The following PTPDC1 variants were observed in gnomAD, a reference collection of about 807,000 sequenced individuals.
PTPDC1 encodes the protein protein tyrosine phosphatase domain-containing protein 1.
PTPDC1 carries 53 observed loss-of-function variants against 75.3 expected under a neutral mutation model. The observed-to-expected ratio is 0.70, with a 90% CI of 0.56 to 0.88. The LOEUF (loss-of-function observed/expected upper bound fraction) is 0.88, where lower values mean the gene tolerates loss of function less well. Among genes scored for constraint, PTPDC1 ranks in the 40% least tolerant of loss-of-function variants. The pLI, the probability that PTPDC1 is intolerant of heterozygous loss-of-function variation, is 0.00. For missense variants in PTPDC1, 925 were observed against 998.6 expected, an observed-to-expected ratio of 0.93 and a Z score of 0.99; for synonymous variants, 349 against 366.2, an observed-to-expected ratio of 0.95 and a Z score of 0.54.
At chr9:94,088,493 CATTT>C (rs1399668021) in intron 4 of PTPDC1, among the ~76,000 whole-genome samples, 1 of 152,148 alleles carries the variant, frequency 6.6e-6, no homozygotes, top group Non-Finnish European at 1.5e-5. Flanking sequence ...TAATGATTAA[CATTT>C]AGTTAATGCT....
chr9:94,092,208 C>T (rs1288372862), intron 4 of PTPDC1, among the ~76,000 whole-genome samples: 1 of 150,052 alleles, frequency 6.7e-6, no homozygotes, highest in Admixed American at 6.6e-5. Context: ...CCTGCTTTCT[C>T]TTGTGGGCAT....
intron 1 of PTPDC1, among the ~76,000 whole-genome samples, chr9:94,031,429 C>T (rs1213190838): frequency 1.3e-5 from 2 of 151,526 alleles, no homozygotes; most frequent in African/African-American, 4.9e-5. Context: ...TGTGAAATCT[C>T]TTGATTTGTA....
rs777706593 is a variant in PTPDC1 at position 94,104,402 on chromosome 9, C to T, written c.2310+17C>T. On this transcript the variant is annotated intron_variant, in intron 8 of 8. Transcript: ENST00000620992. ...TTCACTAAGGTGGGTCATACTCTTC[C>T]TTTCCCCTCTCTGAACCACAGATCA... The T allele has an allele frequency of 6.6e-7, 1 of 1,513,702 alleles. No homozygotes were observed. Among genetic ancestry groups the T allele is most frequent in the South Asian group, 1.1e-5 (1 of 88,310 alleles). The allele number at this position is 1,513,702 out of a possible 1,614,324, so 93.8% of individuals were successfully genotyped here. A position where few individuals can be genotyped will look rare whatever the true frequency, so the allele number is the denominator to read the frequency against.
chr9:94,083,318 G>C (rs140629561), upstream of PTPDC1, among the ~76,000 whole-genome samples: 11 of 152,260 alleles, frequency 7.2e-5, no homozygotes, highest in East Asian at 1.9e-3. Context: ...AATAACAAAG[G>C]CATGATACTA....
intron 2 of PTPDC1, among the ~76,000 whole-genome samples, chr9:94,068,996 C>T (rs1361871000): frequency 6.6e-6 from 1 of 152,288 alleles, no homozygotes; most frequent in South Asian, 2.1e-4. Flanking sequence ...CATGTCCCCA[C>T]CATTCCTATA....
chr9:94,104,460 A>C, intron 8 of PTPDC1, 75 bp downstream of exon 8: 1 of 913,672 alleles, frequency 1.1e-6, no homozygotes, highest in Non-Finnish European at 1.7e-6. Context: ...TCCAGAGGTC[A>C]CCGTCCTCCT....
intron 6 of PTPDC1, chr9:94,100,842 C>T (rs1827810718): frequency 6.6e-6 from 1 of 152,114 alleles, no homozygotes; most frequent in Non-Finnish European, 1.5e-5. Context: ...CATGAAAATC[C>T]TTATCTCACT....
chr9:94,045,592 C>T (rs900251873), intron 1 of PTPDC1, among the ~76,000 whole-genome samples: 12 of 152,116 alleles, frequency 7.9e-5, no homozygotes, highest in African/African-American at 2.9e-4. Flanking sequence ...CTCTGATGGC[C>T]AGTGATGATG....
chr9:94,059,692 T>C (rs1826067576), intron 1 of PTPDC1, among the ~76,000 whole-genome samples: 1 of 152,154 alleles, frequency 6.6e-6, no homozygotes, highest in African/African-American at 2.4e-5. Flanking sequence ...ATAACTAAAG[T>C]GAGAGTTTAA....
upstream of PTPDC1, among the ~76,000 whole-genome samples, chr9:94,083,553 G>A (rs879322382): frequency 2.0e-5 from 3 of 152,208 alleles, no homozygotes; most frequent in Non-Finnish European, 2.9e-5. Context: ...GAGAGCTAGC[G>A]AGCAAGCGAG....
At chr9:94,077,662 A>G (rs1177265262) in intron 2 of PTPDC1, among the ~76,000 whole-genome samples, 5 of 152,160 alleles carry the variant, frequency 3.3e-5, no homozygotes, top group African/African-American at 1.2e-4. Flanking sequence ...CCATGTTCTC[A>G]GCTCTTTGAA....
intron 1 of PTPDC1, among the ~76,000 whole-genome samples, chr9:94,034,721 T>C (rs1208394107): frequency 6.6e-6 from 1 of 152,224 alleles, no homozygotes; most frequent in African/African-American, 2.4e-5. Flanking sequence ...ATGTCATTTT[T>C]CTTAGAAATC....
chr9:94,048,050 C>CCT (rs1264129180), intron 1 of PTPDC1, among the ~76,000 whole-genome samples: 2 of 151,680 alleles, frequency 1.3e-5, no homozygotes, highest in Non-Finnish European at 3.0e-5. Flanking sequence ...AAGAGGGAAT[C>CCT]CTCCCTTTAT....
chr9:94,093,988 A>T (rs1165665426), intron 4 of PTPDC1, among the ~76,000 whole-genome samples: 1 of 151,702 alleles, frequency 6.6e-6, no homozygotes, highest in Non-Finnish European at 1.5e-5. Context: ...CATTCTCCTA[A>T]ATTTTTTTCA....
intron 2 of PTPDC1, among the ~76,000 whole-genome samples, chr9:94,074,292 C>T (rs757128061): frequency 2.6e-5 from 4 of 152,110 alleles, no homozygotes; most frequent in Non-Finnish European, 5.9e-5. Flanking sequence ...GTCCAGATGA[C>T]GAAGTGGAAT....
chr9:94,106,787 G>A (rs1828036707), intron 8 of PTPDC1, among the ~76,000 whole-genome samples: 1 of 152,164 alleles, frequency 6.6e-6, no homozygotes, highest in Non-Finnish European at 1.5e-5. Context: ...CATTACTCTG[G>A]GAATGGGGTT....
upstream of PTPDC1, among the ~76,000 whole-genome samples, chr9:94,083,269 C>T (rs768134935): frequency 1.3e-4 from 20 of 152,214 alleles, no homozygotes; most frequent in East Asian, 5.8e-4. Context: ...ATAATTCCTC[C>T]GACAGGAAAG....
At chr9:94,106,635 T>C (rs1410879059) in intron 8 of PTPDC1, among the ~76,000 whole-genome samples, 3 of 152,190 alleles carry the variant, frequency 2.0e-5, no homozygotes, top group Admixed American at 2.0e-4. Context: ...ACTGGCAAGC[T>C]AACAGGTTAA....
At chr9:94,095,229 C>T in intron 4 of PTPDC1, 88 bp from the exon 5 acceptor site, 1 of 962,018 alleles carries the variant, frequency 1.0e-6, no homozygotes, top group Non-Finnish European at 1.6e-6. Flanking sequence ...GCCTCAGTCT[C>T]AGTGTAGATC....
Sources: gnomAD v4.1 joint callset for allele counts (sites outside exome capture counted in the v4.1 genomes callset) on GRCh38, gnomAD v4.1.1 for gene constraint, MANE v1.5 for transcripts, NCBI Gene and HGNC (gene_info 2026-07-23, HGNC 2026-07-21) for gene names.